The following EIF4A3 variants were observed in gnomAD, a reference collection of about 807,000 sequenced individuals.
EIF4A3 encodes eukaryotic initiation factor 4A-III.
In EIF4A3, 1 loss-of-function variant was observed where a neutral mutation model predicts 55.6. The observed-to-expected ratio is 0.02, with a 90% CI of 0.01 to 0.09. EIF4A3 has a LOEUF of 0.09. Among genes scored for constraint, EIF4A3 ranks in the 10% least tolerant of loss-of-function variants. EIF4A3 has a pLI of 1.00. For missense variants in EIF4A3, 221 were observed against 540.7 expected, an observed-to-expected ratio of 0.41 and a Z score of 5.86; for synonymous variants, 194 against 196.3, an observed-to-expected ratio of 0.99 and a Z score of 0.10.
Position 80,139,757 on chromosome 17 carries a change from C to T in EIF4A3, c.506-7G>A. 1.2e-6 allele frequency: 2 copies of T among 1,611,654 alleles called. No individual in the cohort carries two copies. Among genetic ancestry groups the T allele is most frequent in the Non-Finnish European group, 8.5e-7 (1 of 1,179,088 alleles). On this transcript the variant is annotated splice_polypyrimidine_tract_variant and splice_region_variant and intron_variant, in intron 5 of 11. Transcript: ENST00000649764. ...CTTCTGCGACGAATCATATCTATAA[C>T]ATGAGATTTTGAAATACTTACGACA...
chr17:80,142,367 G>GA (rs2039625119), intron 2 of EIF4A3, among the ~76,000 whole-genome samples: 1 of 152,132 alleles, frequency 6.6e-6, no homozygotes, highest in Non-Finnish European at 1.5e-5. Flanking sequence ...TAGGCCTCAG[G>GA]AAACAATCTC....
At position 80,135,633 on chromosome 17, in the gene EIF4A3, C is replaced by A. The variant is rs532549522; in HGVS notation, c.1220-127G>T. 7 of 812,000 alleles carry A rather than the reference C, an allele frequency of 8.6e-6. No individual in the cohort carries two copies. In the South Asian group the frequency reaches 1.1e-4, roughly 12 times the overall value. The allele number at this position is 812,000 out of a possible 1,614,324, so 50.3% of individuals were successfully genotyped here. On this transcript the variant is annotated intron_variant, in intron 11 of 11. Transcript: ENST00000649764. The stretch of plus-strand genomic sequence containing the variant: ...AAAACAGGCCAGACATAGTGGCTCA[C>A]GCCTGTAATCCCAGCACTTTGGGAG...
At chr17:80,145,455 T>C (rs1247496689) in intron 1 of EIF4A3, among the ~76,000 whole-genome samples, 3 of 151,978 alleles carry the variant, frequency 2.0e-5, no homozygotes, top group African/African-American at 7.3e-5. Flanking sequence ...TCCCAGCTAC[T>C]CGGGAGGCTG....
rs552140196 is a variant in EIF4A3 at position 80,138,958 on chromosome 17, G to A, written c.728+63C>T. ...GGCTATAAAAAGTTTTTGAAATTAC[G>A]ACATAAAATCCTTTATAAATGCGGC... On this transcript the variant is annotated intron_variant, in intron 7 of 11. Coordinates refer to ENST00000649764, the MANE Select transcript of EIF4A3 (RefSeq NM_014740.4). 532 of 1,578,248 alleles carry A rather than the reference G, an allele frequency of 3.4e-4. 6 individuals carry two copies. The South Asian group carries it at 5.4e-3, about 16-fold the overall frequency.
Position 80,139,724 on chromosome 17 carries a change from T to C in EIF4A3, c.532A>G (p.Thr178Ala). The C allele has an allele frequency of 6.2e-7, 1 of 1,613,992 alleles. No homozygotes were observed. Among genetic ancestry groups the C allele is most frequent in the Non-Finnish European group, 8.5e-7 (1 of 1,179,970 alleles). Reference protein sequence around the residue: ...FDMIRRRSLRTRAIKMLVLDE... With the variant: ...FDMIRRRSLRARAIKMLVLDE... The stretch of plus-strand genomic sequence containing the variant: ...AAAACCAACATTTTGATAGCACGTG[T>C]CCTTAGGCTTCTGCGACGAATCATA... Residue 178 changes from threonine to alanine, a missense_variant, in exon 6 of 12, where the codon ACA becomes GCA. Transcript: ENST00000649764.
rs760727882 is a variant in EIF4A3, at chr17:80,146,950, C to G, written c.12G>C (p.Thr4=). 7 of 1,606,346 alleles carry G rather than the reference C, an allele frequency of 4.4e-6. No individual in the cohort carries two copies. The highest frequency in any genetic ancestry group is 4.5e-5 in the East Asian group (2 of 44,088). ...CCGAGCCCGAGGTCGCCATCGTGGCCGTGGTCGCCATGATTCAGAGTCCGC... is the reference window on the plus strand; with the variant it reads ...CCGAGCCCGAGGTCGCCATCGTGGCGGTGGTCGCCATGATTCAGAGTCCGC... MAT[T]ATMATSGSAR... The change falls in exon 1 of 12, where the codon ACG becomes ACC. Residue 4 remains threonine (T), a synonymous_variant. Coordinates refer to ENST00000649764, the MANE Select transcript of EIF4A3 (RefSeq NM_014740.4).
In EIF4A3 at chr17:80,147,026, GCTGTGCCGCTGCCGACC is replaced by G. The variant is rs1262542597; in HGVS notation, c.-82_-66del. On this transcript the variant is annotated 5_prime_UTR_variant, in exon 1 of 12. Coordinates refer to ENST00000649764, the MANE Select transcript of EIF4A3 (RefSeq NM_014740.4). The stretch of plus-strand genomic sequence containing the variant: ...CGACCTCGCTGCCGCTGCCGACCTC[GCTGTGCCGCTGCCGACC>G]TCGCTGCCGCTGCCGACCTCGCTGT... The G allele has an allele frequency of 7.2e-7, 1 of 1,386,476 alleles. No homozygotes were observed. The highest frequency in any genetic ancestry group is 1.8e-5 in the African/African-American group (1 of 55,312). 85.9% of individuals were successfully genotyped at this position (1,386,476 alleles called of 1,614,324 possible).
intron 1 of EIF4A3, among the ~76,000 whole-genome samples, chr17:80,144,945 A>G (rs1363102723): frequency 6.6e-6 from 1 of 152,286 alleles, no homozygotes; most frequent in Non-Finnish European, 1.5e-5. Context: ...TTTATGTACA[A>G]AAACTCTATT....
intron 1 of EIF4A3, among the ~76,000 whole-genome samples, chr17:80,145,035 T>G (rs936359255): frequency 5.9e-5 from 9 of 152,150 alleles, no homozygotes; most frequent in African/African-American, 2.2e-4. Context: ...CAAAAGAAAA[T>G]GTAGCACAAT....
At chr17:80,143,047 T>G (rs371221544) in intron 2 of EIF4A3, among the ~76,000 whole-genome samples, 1 of 152,044 alleles carries the variant, frequency 6.6e-6, no homozygotes, top group Non-Finnish European at 1.5e-5. Context: ...AAATTTAAAT[T>G]TCAAATTTTT....
intron 9 of EIF4A3, 90 bp from the exon 10 acceptor site, chr17:80,136,425 G>A: frequency 9.5e-7 from 1 of 1,051,510 alleles, no homozygotes; most frequent in Non-Finnish European, 1.4e-6. Context: ...AAGGAATCCT[G>A]GCTGCAGGTC....
At chr17:80,135,839 G>A in intron 11 of EIF4A3, 165 bp downstream of exon 11, 1 of 853,164 alleles carries the variant, frequency 1.2e-6, no homozygotes, top group Non-Finnish European at 1.8e-6. Context: ...AGGTTGCAGT[G>A]AGCCGAAATC....
At position 80,134,549 on chromosome 17, in the gene EIF4A3, C is replaced by T. The variant is rs2039555002; in HGVS notation, c.*941G>A. Among the ~76,000 whole-genome samples the T allele has an allele frequency of 6.6e-6, 1 of 151,818 alleles. No individual in the cohort carries two copies. Among genetic ancestry groups the T allele is most frequent in the South Asian group, 2.1e-4 (1 of 4,818 alleles). ...AAAAAATTAGAAAAATGAGGCCAGG[C>T]ATGGTGGCTCACACCTGTTATCCCA... is the stretch of plus-strand genomic sequence containing the variant. On this transcript the variant is annotated 3_prime_UTR_variant, in exon 12 of 12. Coordinates refer to ENST00000649764, the MANE Select transcript of EIF4A3 (RefSeq NM_014740.4).
In EIF4A3 at chr17:80,135,185, A is replaced by C. The variant is rs957279842; in HGVS notation, c.*305T>G. On this transcript the variant is annotated 3_prime_UTR_variant, in exon 12 of 12. Transcript: ENST00000649764. ...AAGAAAAAGAAAAGAAAAAAAGAAA[A>C]GTGAGTGAAATGACCCAAGACTACA... is the stretch of plus-strand genomic sequence containing the variant. The C allele has an allele frequency of 3.2e-6, 1 of 315,510 alleles. No individual in the cohort carries two copies. Among genetic ancestry groups the C allele is most frequent in the African/African-American group, 2.2e-5 (1 of 46,376 alleles). The allele number at this position is 315,510 out of a possible 1,614,324, so 19.5% of individuals were successfully genotyped here.
intron 6 of EIF4A3, chr17:80,139,459 A>C (rs2039600212): frequency 1.6e-6 from 1 of 626,098 alleles, no homozygotes; most frequent in Non-Finnish European, 2.7e-6. Flanking sequence ...AATAAAAAGC[A>C]ATAGAGGCTG....
Position 80,134,838 on chromosome 17 carries a change from CA to C in EIF4A3, c.*651del, listed in dbSNP as rs774697502. Among the ~76,000 whole-genome samples the C allele has an allele frequency of 6.7e-6, 1 of 149,702 alleles. No homozygotes were observed. The highest frequency in any genetic ancestry group is 1.5e-5 in the Non-Finnish European group (1 of 67,400). Reference sequence around the variant, plus strand: ...AACTCATCAACGATGAAACTCTTTCCAAAAAAAAAGATTAGAAAAGTGAGTG... The same window carrying C: ...AACTCATCAACGATGAAACTCTTTCCAAAAAAAAGATTAGAAAAGTGAGTG... On this transcript the variant is annotated 3_prime_UTR_variant, in exon 12 of 12. Transcript: ENST00000649764.
intron 7 of EIF4A3, chr17:80,138,675 C>T (rs571103825): frequency 4.2e-5 from 14 of 333,822 alleles, no homozygotes; most frequent in Non-Finnish European, 7.8e-5. Context: ...AAGCTCACTG[C>T]AGCCTCAGCC....
At chr17:80,144,137 C>T in intron 2 of EIF4A3, 35 bp downstream of exon 2, 1 of 1,608,782 alleles carries the variant, frequency 6.2e-7, no homozygotes, top group Non-Finnish European at 8.5e-7. Flanking sequence ...CCCAAATTTA[C>T]ATCCAGCCCT....
At chr17:80,138,074 T>C (rs2039587656) in intron 8 of EIF4A3, 68 bp downstream of exon 8, 1 of 1,568,410 alleles carries the variant, frequency 6.4e-7, no homozygotes, top group Non-Finnish European at 8.7e-7. Context: ...AAAATCTTGA[T>C]TTATGTCATT....
Sources: allele counts gnomAD v4.1 joint callset (sites outside exome capture counted in the v4.1 genomes callset), GRCh38; gene constraint gnomAD v4.1.1; transcripts MANE v1.5; gene names NCBI Gene and HGNC (gene_info 2026-07-23, HGNC 2026-07-21).